The following FMN2 variants were observed in gnomAD, a reference collection of about 807,000 sequenced individuals.
FMN2 encodes the protein formin-2.
Under a neutral mutation model 142.3 loss-of-function variants are expected in FMN2, and 51 were observed. That is an observed-to-expected ratio of 0.36 (90% CI 0.29 to 0.45). FMN2 has a LOEUF of 0.45. FMN2 is among the 20% of genes least tolerant of loss of function. FMN2 has a pLI of 1.00. For missense variants in FMN2, 1,936 were observed against 2,122.8 expected (o/e 0.91, Z 1.73); for synonymous variants, 882 against 869.8 (o/e 1.01, Z -0.25).
At chr1:240,402,425 C>T (rs1192819721) in intron 15 of FMN2, among the ~76,000 whole-genome samples, 1 of 152,218 alleles carries the variant, frequency 6.6e-6, no homozygotes, top group African/African-American at 2.4e-5. Context: ...TTTAACTGAA[C>T]TCTGCAGTTC....
At chr1:240,422,180 A>T (rs1354194988) in intron 15 of FMN2, among the ~76,000 whole-genome samples, 2 of 152,186 alleles carry the variant, frequency 1.3e-5, no homozygotes, top group East Asian at 3.9e-4. Flanking sequence ...TTGAAGTCAG[A>T]TAGTATCAGT....
intron 1 of FMN2, among the ~76,000 whole-genome samples, chr1:240,121,624 C>T (rs945378517): frequency 8.0e-5 from 12 of 150,000 alleles, no homozygotes; most frequent in Non-Finnish European, 1.6e-4. Flanking sequence ...CTCCTGACCT[C>T]GTGATCCGCC....
At chr1:240,167,152 A>C (rs562951662) in intron 2 of FMN2, among the ~76,000 whole-genome samples, 84 of 152,264 alleles carry the variant, frequency 5.5e-4, no homozygotes, top group Middle Eastern at 6.8e-3. Flanking sequence ...AACAAAAAAA[A>C]CCAAAAGGGA....
rs559838560 is a variant in FMN2, at chr1:240,250,833, G to A, written c.4066-7112G>A. 7.6e-4 allele frequency among the ~76,000 whole-genome samples: 116 copies of A among 152,064 alleles called. 1 individual carries two copies. The highest frequency in any genetic ancestry group is 6.8e-3 in the Middle Eastern group (2 of 294). Reference sequence around the variant, plus strand: ...ATCTTGGTAGATTGTATGTGTCCAGGAATTTATTCATTTCCTCTAGATTTT... The same window carrying A: ...ATCTTGGTAGATTGTATGTGTCCAGAAATTTATTCATTTCCTCTAGATTTT... On this transcript the variant is annotated intron_variant, in intron 6 of 17. Transcript: ENST00000319653.
chr1:240,207,649 C>T lies in FMN2; in HGVS notation c.2837C>T (p.Pro946Leu), dbSNP rs1666442631. ...CCCGGAGCGGGAATACCTCCTCCGC[C>T]CCCTCTACCCGGAGCGGCAATACCC... ...PLPGAGIPPP[P>L]PLPGAAIPPP... is the part of the protein sequence containing the mutation. Residue 946 changes from proline (P) to leucine (L), a missense_variant, in exon 5 of 18, where the codon CCC (proline) becomes CTC (leucine). By Grantham distance (98) the Pro-to-Leu change is moderately conservative. This residue lies in a region of FMN2 where 478 missense variants were observed against 462.8 expected (regional missense o/e 1.03). Transcript: ENST00000319653. 6.6e-7 allele frequency: 1 copy of T among 1,515,556 alleles called. No homozygotes were observed. Among genetic ancestry groups the T allele is most frequent in the Non-Finnish European group, 9.0e-7 (1 of 1,111,460 alleles). 93.9% of individuals were successfully genotyped at this position (1,515,556 alleles called of 1,614,324 possible). A position where few individuals can be genotyped will look rare whatever the true frequency, so the allele number is the denominator to read the frequency against.
At chr1:240,124,910 C>A (rs760289207) in intron 2 of FMN2, among the ~76,000 whole-genome samples, 18 of 152,146 alleles carry the variant, frequency 1.2e-4, no homozygotes, top group Admixed American at 6.5e-5. Flanking sequence ...TCGTGATCCA[C>A]CCGCCCCGGC....
rs555021279 is a variant in FMN2 at position 240,176,633 on chromosome 1, T to C, written c.1783-1288T>C. ...TTCCTTCAGGTTCTCCAATGATAGC[T>C]CATTGTCTAACATTCATTATGTTAA... On this transcript the variant is annotated intron_variant, in intron 2 of 17. Coordinates refer to ENST00000319653, the MANE Select transcript of FMN2 (RefSeq NM_020066.5). 2.6e-5 allele frequency among the ~76,000 whole-genome samples: 4 copies of C among 152,344 alleles called. No homozygotes were observed. The South Asian group carries it at 8.3e-4, about 32-fold the overall frequency.
At chr1:240,226,358 T>C (rs1014665831) in intron 6 of FMN2, among the ~76,000 whole-genome samples, 1 of 152,162 alleles carries the variant, frequency 6.6e-6, no homozygotes, top group Non-Finnish European at 1.5e-5. Context: ...TCAGAATTAA[T>C]GAAGACCAGA....
rs748164747 is a variant in FMN2 at position 240,208,366 on chromosome 1, C to T, written c.3554C>T (p.Pro1185Leu). The T allele has an allele frequency of 9.0e-6, 14 of 1,558,436 alleles. No individual in the cohort carries two copies. The highest frequency in any genetic ancestry group is 3.5e-5 in the South Asian group (3 of 86,888). The change falls in exon 5 of 18, where the codon CCT (proline) becomes CTT (leucine). Residue 1185 changes from proline to leucine, a missense_variant. By Grantham distance (98) the Pro-to-Leu change is moderately conservative. This residue lies in a region of FMN2 where 259 missense variants were observed against 230.9 expected (regional missense o/e 1.12). Coordinates refer to ENST00000319653, the MANE Select transcript of FMN2 (RefSeq NM_020066.5). ...CCCCCTCTACCTGGAGTGGGAATAC[C>T]TCCTCCGCCCCCTCTACCTGGAGTG... The part of the protein sequence containing the change: ...PPPPLPGVGI[P>L]PPPPLPGVGI...
intron 5 of FMN2, among the ~76,000 whole-genome samples, chr1:240,209,011 G>C (rs982039427): frequency 2.6e-5 from 4 of 151,920 alleles, no homozygotes; most frequent in Non-Finnish European, 5.9e-5. Flanking sequence ...TAAAGATTGA[G>C]GGATATATTT....
intron 14 of FMN2, among the ~76,000 whole-genome samples, chr1:240,390,996 A>T (rs1673584925): frequency 6.6e-6 from 1 of 152,192 alleles, no homozygotes; most frequent in Admixed American, 6.5e-5. Context: ...AACAAACTTT[A>T]TGTGTTCCTA....
chr1:240,358,805 G>A (rs912668321), intron 14 of FMN2, among the ~76,000 whole-genome samples: 5 of 152,114 alleles, frequency 3.3e-5, no homozygotes, highest in African/African-American at 1.2e-4. Context: ...TGAGATTTGG[G>A]TGGGGACACA....
intron 14 of FMN2, among the ~76,000 whole-genome samples, chr1:240,380,655 A>C (rs1673192703): frequency 6.6e-6 from 1 of 152,024 alleles, no homozygotes; most frequent in Non-Finnish European, 1.5e-5. Context: ...TCAAATTAAC[A>C]ATGTAACATT....
At chr1:240,237,952 T>C (rs992785569) in intron 6 of FMN2, among the ~76,000 whole-genome samples, 2 of 152,222 alleles carry the variant, frequency 1.3e-5, no homozygotes, top group African/African-American at 2.4e-5. Context: ...ATTTGACTTC[T>C]CAATGAGTCT....
At chr1:240,184,039 G>A (rs1157411861) in intron 3 of FMN2, among the ~76,000 whole-genome samples, 2 of 151,898 alleles carry the variant, frequency 1.3e-5, no homozygotes, top group Non-Finnish European at 2.9e-5. Flanking sequence ...TAGCTGAGAG[G>A]CATATCCCGC....
In FMN2 at chr1:240,336,582, A is replaced by AAAAAAAAAAAAAAAAAAAAAAAG. The variant is rs144682452; in HGVS notation, c.4765+2353_4765+2354insAAAAAAAAAAAAAAAAAAAAAAG. ...AAAAAAAAAAAAAAAAAAAAAAAAAAGGTGGTTGCAATTGTTTTCCCATTT... is the reference window on the plus strand; with the variant it reads ...AAAAAAAAAAAAAAAAAAAAAAAAAAAAAAAAAAAAAAAAAAAAAAAAGGGTGGTTGCAATTGTTTTCCCATTT... On this transcript the variant is annotated intron_variant, in intron 13 of 17. Transcript: ENST00000319653. Among the ~76,000 whole-genome samples the AAAAAAAAAAAAAAAAAAAAAAAG allele has an allele frequency of 2.9e-5, 3 of 101,842 alleles. 1 individual carries two copies. Among genetic ancestry groups the AAAAAAAAAAAAAAAAAAAAAAAG allele is most frequent in the African/African-American group, 9.8e-5 (3 of 30,688 alleles). The allele number at this position is 101,842 out of a possible 152,430, so 66.8% of individuals were successfully genotyped here.
chr1:240,245,585 A>T (rs944627596), intron 6 of FMN2: 4 of 470,986 alleles, frequency 8.5e-6, no homozygotes, highest in African/African-American at 8.0e-5. Flanking sequence ...TGGTTTTTTT[A>T]TGGTTTTCCG....
chr1:240,192,588 T>TAG (rs919779626), intron 4 of FMN2, among the ~76,000 whole-genome samples: 1 of 152,032 alleles, frequency 6.6e-6, no homozygotes, highest in Non-Finnish European at 1.5e-5. Flanking sequence ...TTAAAGGAGA[T>TAG]AGAGAGAGAG....
At chr1:240,157,991 A>AAAT (rs1553334274) in intron 2 of FMN2, among the ~76,000 whole-genome samples, 1 of 151,430 alleles carries the variant, frequency 6.6e-6, no homozygotes, top group Non-Finnish European at 1.5e-5. Flanking sequence ...AAAAAAAAAA[A>AAAT]AAAGTCAGCC....
Sources: gnomAD v4.1 joint callset for allele counts (sites outside exome capture counted in the v4.1 genomes callset) on GRCh38, gnomAD v4.1.1 for gene constraint, gnomAD v4.1.1 regional missense constraint, MANE v1.5 for transcripts, NCBI Gene and HGNC (gene_info 2026-07-23, HGNC 2026-07-21) for gene names.